TOPAZ1: variants seen among roughly 807,000 people sequenced by gnomAD.
TOPAZ1 encodes the protein protein TOPAZ1.
TOPAZ1 carries 66 observed loss-of-function variants against 172.2 expected under a neutral mutation model. The observed-to-expected ratio is 0.38, with a 90% CI of 0.31 to 0.47. The LOEUF (loss-of-function observed/expected upper bound fraction) is 0.47, where lower values mean the gene tolerates loss of function less well. Ranked by LOEUF, TOPAZ1 falls within the 20% of genes least tolerant of loss-of-function variation. The pLI is 0.99. For missense variants in TOPAZ1, 1,822 were observed against 1,972.4 expected, an observed-to-expected ratio of 0.92 and a Z score of 1.44; for synonymous variants, 681 against 683.9, an observed-to-expected ratio of 1.00 and a Z score of 0.07.
intron 18 of TOPAZ1, among the ~76,000 whole-genome samples, 162 bp from the exon 19 acceptor site, chr3:44,328,081 CAAAGAAT>C (rs1211444255): frequency 6.6e-6 from 1 of 152,154 alleles, no homozygotes; most frequent in Non-Finnish European, 1.5e-5. Context: ...AAGCACTTTA[CAAAGAAT>C]AATGCCAAAT....
At chr3:44,268,218 T>C (rs1699852760) in intron 6 of TOPAZ1, among the ~76,000 whole-genome samples, 1 of 152,068 alleles carries the variant, frequency 6.6e-6, no homozygotes, top group Non-Finnish European at 1.5e-5. Context: ...TGCACAGTGC[T>C]AGAAGTTCAG....
At chr3:44,257,411 A>G (rs1360197597) in intron 4 of TOPAZ1, among the ~76,000 whole-genome samples, 1,099 of 77,736 alleles carry the variant, frequency 0.014, 7 homozygotes, top group Non-Finnish European at 0.016. Context: ...GTGTGTGTCT[A>G]TTTTATATAT....
At chr3:44,325,445 A>G (rs549118774) in intron 18 of TOPAZ1, among the ~76,000 whole-genome samples, 1 of 152,270 alleles carries the variant, frequency 6.6e-6, no homozygotes, top group South Asian at 2.1e-4. Context: ...CATCACCACC[A>G]TTTAAGTTTA....
At chr3:44,267,235 T>A in intron 6 of TOPAZ1, 99 bp downstream of exon 6, 1 of 982,560 alleles carries the variant, frequency 1.0e-6, no homozygotes, top group South Asian at 2.3e-5. Flanking sequence ...AAAAGAAAAA[T>A]GGAATCATGT....
At chr3:44,323,022 G>A in intron 17 of TOPAZ1, 70 bp from the exon 18 acceptor site, 1 of 1,033,780 alleles carries the variant, frequency 9.7e-7, no homozygotes, top group South Asian at 1.8e-5. Context: ...GAAAGAAAAA[G>A]GAGTATGAGA....
At position 44,243,269 on chromosome 3, in the gene TOPAZ1, G is replaced by A; in HGVS notation, c.763G>A (p.Val255Ile). The A allele has an allele frequency of 6.4e-7, 1 of 1,551,526 alleles. No homozygotes were observed. Among genetic ancestry groups the A allele is most frequent in the Non-Finnish European group, 8.7e-7 (1 of 1,146,918 alleles). ...PYKPDGGCMHVAENFSKKENL... is the reference protein window; with the variant it reads ...PYKPDGGCMHIAENFSKKENL... ...TAAACCTGATGGTGGATGTATGCAT[G>A]TAGCAGAAAATTTCTCAAAGAAAGA... The change falls in exon 2 of 20, where the codon GTA becomes ATA. Residue 255 changes from valine (V) to isoleucine (I), a missense_variant. By Grantham distance (29) the Val-to-Ile change is conservative. This residue lies in a region of TOPAZ1 where 1,489 missense variants were observed against 1,490.8 expected (regional missense o/e 1.00). Transcript: ENST00000309765.
At chr3:44,316,249 A>AG (rs1271963918) in intron 16 of TOPAZ1, among the ~76,000 whole-genome samples, 1 of 152,176 alleles carries the variant, frequency 6.6e-6, no homozygotes, top group African/African-American at 2.4e-5. Flanking sequence ...CTGTCTCAAA[A>AG]AAAATAAATA....
intron 11 of TOPAZ1, among the ~76,000 whole-genome samples, chr3:44,288,828 A>T (rs956542965): frequency 6.6e-6 from 1 of 152,182 alleles, no homozygotes; most frequent in Non-Finnish European, 1.5e-5. Context: ...AGAATATCTA[A>T]CAAAGACAAT....
intron 2 of TOPAZ1, among the ~76,000 whole-genome samples, chr3:44,248,715 A>T (rs1456591694): frequency 6.6e-6 from 1 of 152,230 alleles, no homozygotes; most frequent in South Asian, 2.1e-4. Context: ...TAAGACACTG[A>T]GAGGCTGAAG....
Position 44,260,257 on chromosome 3 carries a change from A to G in TOPAZ1, c.2956-2162A>G, listed in dbSNP as rs556677451. ...CGGACTAATACATGCCCATTTGCCC[A>G]TTTTCTTCTGGATTTGATCTTTTTT... is the stretch of plus-strand genomic sequence containing the variant. On this transcript the variant is annotated intron_variant, in intron 4 of 19. Transcript: ENST00000309765. 5.8e-4 allele frequency among the ~76,000 whole-genome samples: 89 copies of G among 152,152 alleles called. 2 individuals carry two copies. The South Asian group carries it at 0.017, about 29-fold the overall frequency.
At chr3:44,294,788 T>C (rs1318330391) in intron 12 of TOPAZ1, among the ~76,000 whole-genome samples, 1 of 152,218 alleles carries the variant, frequency 6.6e-6, no homozygotes, top group Admixed American at 6.5e-5. Flanking sequence ...TGAATTTTAA[T>C]GCACATTTAT....
Position 44,323,249 on chromosome 3 carries a change from T to C in TOPAZ1, c.4629T>C (p.Ser1543=). The C allele has an allele frequency of 1.3e-6, 2 of 1,550,292 alleles. No individual in the cohort carries two copies. Among genetic ancestry groups the C allele is most frequent in the Non-Finnish European group, 1.7e-6 (2 of 1,146,196 alleles). ...DFSFLRRLIT[S]LGRSRLWLKA... Reference sequence around the variant, plus strand: ...CCTTTCTCAGAAGATTAATTACTTCTTTAGGAAGGAGTCGTTTATGGCTCA... The same window carrying C: ...CCTTTCTCAGAAGATTAATTACTTCCTTAGGAAGGAGTCGTTTATGGCTCA... The change falls in exon 18 of 20, where the codon TCT becomes TCC. Residue 1543 remains serine, a synonymous_variant. Coordinates refer to ENST00000309765, the MANE Select transcript of TOPAZ1 (RefSeq NM_001145030.2).
At chr3:44,255,668 T>TACAC (rs1489281875) in intron 3 of TOPAZ1, among the ~76,000 whole-genome samples, 11 of 30,312 alleles carry the variant, frequency 3.6e-4, no homozygotes, top group South Asian at 1.6e-3. Context: ...AAAAAATATA[T>TACAC]ATACACACAC....
At chr3:44,246,891 G>A (rs1699573282) in intron 2 of TOPAZ1, among the ~76,000 whole-genome samples, 1 of 152,182 alleles carries the variant, frequency 6.6e-6, no homozygotes, top group Non-Finnish European at 1.5e-5. Flanking sequence ...TACTTCCTTG[G>A]AGGAATACAA....
intron 16 of TOPAZ1, among the ~76,000 whole-genome samples, chr3:44,310,500 GA>G (rs900635678): frequency 1.3e-4 from 20 of 148,176 alleles, no homozygotes; most frequent in Admixed American, 1.1e-3. Flanking sequence ...CTCCATCTCA[GA>G]AAAAAAAAAG....
At chr3:44,278,722 C>A (rs890640655) in intron 8 of TOPAZ1, among the ~76,000 whole-genome samples, 9 of 149,956 alleles carry the variant, frequency 6.0e-5, no homozygotes, top group African/African-American at 2.2e-4. Flanking sequence ...TTATTTGGGT[C>A]TTTTCTTTTT....
chr3:44,285,407 A>G (rs1208460352), intron 9 of TOPAZ1, among the ~76,000 whole-genome samples: 2 of 151,976 alleles, frequency 1.3e-5, no homozygotes, highest in Non-Finnish European at 2.9e-5. Flanking sequence ...CAGAGGTTGC[A>G]GTGAGCCGAG....
Position 44,244,371 on chromosome 3 carries a change from C to G in TOPAZ1, c.1865C>G (p.Thr622Ser), listed in dbSNP as rs900856644. The G allele has an allele frequency of 1.9e-6, 3 of 1,550,828 alleles. No homozygotes were observed. The highest frequency in any genetic ancestry group is 2.0e-5 in the Admixed American group (1 of 50,850). The change falls in exon 2 of 20, where the codon ACT (threonine) becomes AGT (serine). Residue 622 changes from threonine (T) to serine (S), a missense_variant. Coordinates refer to ENST00000309765, the MANE Select transcript of TOPAZ1 (RefSeq NM_001145030.2). Reference sequence around the variant, plus strand: ...GAAGATACTCAATTAACCAGTGAGACTCAAAGCTTAACGGGAAATAAAAAA... The same window carrying G: ...GAAGATACTCAATTAACCAGTGAGAGTCAAAGCTTAACGGGAAATAAAAAA... The part of the protein sequence containing the change: ...TTEDTQLTSE[T>S]QSLTGNKKKA...
rs372200679 is a variant in TOPAZ1 at position 44,250,659 on chromosome 3, G to A, written c.2766-4309G>A. 1.5e-3 allele frequency among the ~76,000 whole-genome samples: 230 copies of A among 152,218 alleles called. 1 individual carries two copies. Among genetic ancestry groups the A allele is most frequent in the Middle Eastern group, 0.014 (4 of 294 alleles). On this transcript the variant is annotated intron_variant, in intron 2 of 19. Transcript: ENST00000309765. ...CTGCAAAACAGCACACTGGAAGAGC[G>A]GCATTTTGGTTCTTCCTATATATTT... is the stretch of plus-strand genomic sequence containing the variant.
Sources: allele counts gnomAD v4.1 joint callset (sites outside exome capture counted in the v4.1 genomes callset), GRCh38; gene constraint gnomAD v4.1.1; regional missense constraint gnomAD v4.1.1; transcripts MANE v1.5; gene names NCBI Gene and HGNC (gene_info 2026-07-23, HGNC 2026-07-21).